Variants in GLB1 observed in about 807,000 individuals in gnomAD.
GLB1 encodes galactosidase beta 1, also known as beta-galactosidase.
In GLB1, 56 loss-of-function variants were observed where a neutral mutation model predicts 74.0. The observed-to-expected ratio is 0.76, with a 90% CI of 0.61 to 0.94. The LOEUF is 0.94. GLB1 is among the 40% of genes least tolerant of loss of function. The pLI is 0.00. For synonymous variants in GLB1, 323 were observed against 323.6 expected, an observed-to-expected ratio of 1.00 and a Z score of 0.02; for missense variants, 787 against 845.5, an observed-to-expected ratio of 0.93 and a Z score of 0.86.
chr3:33,004,063 T>C lies in GLB1; in HGVS notation c.1735-6719A>G, dbSNP rs1696688665. ...AAAGGGGTAGAACATGTTTCTCCAT[T>C]CCTTGGATCTGGCTGGTCTAGTGAC... On this transcript the variant is annotated intron_variant, in intron 15 of 15. Coordinates refer to ENST00000307363, the MANE Select transcript of GLB1 (RefSeq NM_000404.4). Among the ~76,000 whole-genome samples, 3 of 152,026 alleles carry C rather than the reference T, an allele frequency of 2.0e-5. No individual in the cohort carries two copies. In the South Asian group the frequency reaches 6.2e-4, roughly 32 times the overall value.
chr3:33,014,450 C>G (rs1002557344), intron 14 of GLB1, 140 bp from the exon 15 acceptor site: 3 of 1,277,554 alleles, frequency 2.3e-6, no homozygotes, highest in South Asian at 1.4e-5. Context: ...ATGTGTACAT[C>G]GAAGTAACAC....
At chr3:33,073,500 C>T (rs1174030700) in intron 1 of GLB1, among the ~76,000 whole-genome samples, 1 of 151,956 alleles carries the variant, frequency 6.6e-6, no homozygotes, top group Non-Finnish European at 1.5e-5. Context: ...CCAGCCTGGC[C>T]AACATGGTGA....
chr3:33,093,073 T>A lies in GLB1; in HGVS notation c.75+3938A>T, dbSNP rs766576777. The A allele has an allele frequency of 6.2e-7, 1 of 1,614,172 alleles. No homozygotes were observed. Among genetic ancestry groups the A allele is most frequent in the South Asian group, 1.1e-5 (1 of 91,084 alleles). On this transcript the variant is annotated intron_variant, in intron 1 of 15. Transcript: ENST00000307363. This position sits in a 1 kb window ranked among gnomAD's most constrained non-coding sequence, Gnocchi z 6.0. ...TCTGGCCGAGCCTGGAGAGCTCTCTTGGCAGCCAGGGGCTGGTGAGCTAGC... is the reference window on the plus strand; with the variant it reads ...TCTGGCCGAGCCTGGAGAGCTCTCTAGGCAGCCAGGGGCTGGTGAGCTAGC...
At chr3:33,059,651 C>T (rs1292463794) in intron 5 of GLB1, among the ~76,000 whole-genome samples, 2 of 152,056 alleles carry the variant, frequency 1.3e-5, no homozygotes, top group Admixed American at 6.6e-5. Context: ...GACAGTGGGA[C>T]GAAATGGTGT....
chr3:33,075,905 C>T (rs187382007), intron 1 of GLB1, among the ~76,000 whole-genome samples: 133 of 151,926 alleles, frequency 8.8e-4, no homozygotes, highest in African/African-American at 3.0e-3. Context: ...ATTAGCCGGG[C>T]GTGGTGGTAG....
intron 11 of GLB1, 100 bp downstream of exon 11, chr3:33,024,151 A>G: frequency 2.2e-6 from 3 of 1,353,790 alleles, no homozygotes; most frequent in Non-Finnish European, 3.0e-6. Flanking sequence ...AAAATAACGA[A>G]CCAATTCCTC....
Position 33,021,348 on chromosome 3 carries a change from G to A in GLB1, c.1233+218C>T, listed in dbSNP as rs80045472. The A allele has an allele frequency of 0.084, 49,806 of 594,910 alleles. 2,727 individuals carry two copies. The highest frequency in any genetic ancestry group is 0.21 in the East Asian group (7,390 of 35,002). 36.9% of individuals were successfully genotyped at this position (594,910 alleles called of 1,614,324 possible). On this transcript the variant is annotated intron_variant, in intron 12 of 15. Transcript: ENST00000307363. ...AAGCAGGTTGGGCTACCTCCTGTAT[G>A]AGTGAGAAGAAGTGGGGCAAAAAAT... is the stretch of plus-strand genomic sequence containing the variant.
At chr3:33,069,085 G>T (rs1360154379) in intron 2 of GLB1, 115 bp from the exon 3 acceptor site, 4 of 1,556,492 alleles carry the variant, frequency 2.6e-6, no homozygotes, top group Non-Finnish European at 3.5e-6. Flanking sequence ...GGGAGAAGGC[G>T]CTTTGAAAGA....
chr3:33,000,708 TAG>T (rs1201284818), intron 15 of GLB1, among the ~76,000 whole-genome samples: 4 of 152,136 alleles, frequency 2.6e-5, no homozygotes, highest in Middle Eastern at 6.8e-3. Context: ...GCCTGGGTGA[TAG>T]AGCAAGACTC....
intron 1 of GLB1, chr3:33,090,989 T>C: frequency 4.1e-6 from 4 of 985,042 alleles, no homozygotes; most frequent in Admixed American, 6.2e-5. Context: ...ATGAGAAAGA[T>C]GTAAAATCAA....
chr3:33,049,098 G>C (rs1698866102), intron 9 of GLB1, among the ~76,000 whole-genome samples: 2 of 152,088 alleles, frequency 1.3e-5, no homozygotes, highest in Non-Finnish European at 2.9e-5. Context: ...AAAAAATTGT[G>C]TCATGAACCA....
chr3:33,051,634 A>G, intron 9 of GLB1, 124 bp downstream of exon 9: 1 of 1,380,392 alleles, frequency 7.2e-7, no homozygotes, highest in Non-Finnish European at 9.8e-7. Flanking sequence ...AAGAAAAAAA[A>G]AGAAAATTTA....
Position 33,097,017 on chromosome 3 carries a change from G to C in GLB1, c.69C>G (p.Gly23=), listed in dbSNP as rs780964758. The part of the protein sequence containing the change: ...LVLLLLGPTR[G]LRNATQRMFE... ...CCGGGTCCCGCAGACTTACGCGCAA[G>C]CCGCGCGTAGGGCCCAGAAGCAGCA... Residue 23 remains glycine (G), a synonymous_variant, in exon 1 of 16, where the codon GGC becomes GGG. Transcript: ENST00000307363. 28 of 1,612,190 alleles carry C rather than the reference G, an allele frequency of 1.7e-5. No individual in the cohort carries two copies. The highest frequency in any genetic ancestry group is 2.3e-5 in the Non-Finnish European group (27 of 1,178,928).
At chr3:33,052,109 T>C (rs894899314) in intron 7 of GLB1, 105 bp from the exon 8 acceptor site, 28 of 1,589,198 alleles carry the variant, frequency 1.8e-5, no homozygotes, top group Non-Finnish European at 2.3e-5. Flanking sequence ...GGGGTTGACA[T>C]GCTGACATGC....
the GLB1 span, among the ~76,000 whole-genome samples, chr3:32,989,008 T>A: frequency 6.6e-6 from 1 of 151,256 alleles, no homozygotes; most frequent in Non-Finnish European, 1.5e-5. Flanking sequence ...GGGGGTGGGG[T>A]GCTGGCAGCA....
the GLB1 span, among the ~76,000 whole-genome samples, chr3:32,966,194 G>C: frequency 6.6e-6 from 1 of 152,300 alleles, no homozygotes; most frequent in African/African-American, 2.4e-5. Context: ...TGAAAAAACT[G>C]CAGACAGTGT....
chr3:33,094,158 G>A (rs766572686), intron 1 of GLB1: 6 of 1,611,700 alleles, frequency 3.7e-6, no homozygotes, highest in Non-Finnish European at 2.5e-6. Flanking sequence ...AGCCAGGGTG[G>A]CCTTCGCGCC....
intron 15 of GLB1, among the ~76,000 whole-genome samples, chr3:33,009,055 G>A (rs1003917508): frequency 1.9e-4 from 29 of 151,798 alleles, no homozygotes; most frequent in African/African-American, 6.8e-4. Flanking sequence ...GGAGGCGGAG[G>A]TTGCAGTGAG....
intron 1 of GLB1, chr3:33,077,183 G>C: frequency 6.8e-7 from 1 of 1,479,172 alleles, no homozygotes; most frequent in Non-Finnish European, 9.0e-7. Context: ...TGAAGCGGCA[G>C]CTGAGACTTA....
Sources: gnomAD v4.1 joint callset for allele counts (sites outside exome capture counted in the v4.1 genomes callset) on GRCh38, gnomAD v4.1.1 for gene constraint, Gnocchi (gnomAD v3.1) non-coding constraint, MANE v1.5 for transcripts, NCBI Gene and HGNC (gene_info 2026-07-23, HGNC 2026-07-21) for gene names.